Variants in RBMS3 observed in about 807,000 individuals in gnomAD.
RBMS3 encodes RNA binding motif single stranded interacting protein 3.
A neutral mutation model predicts 66.8 loss-of-function variants in RBMS3; 27 were observed. The observed-to-expected ratio is 0.40, with a 90% confidence interval of 0.30 to 0.56. The LOEUF (loss-of-function observed/expected upper bound fraction) is 0.56. Ranked by LOEUF, RBMS3 falls within the 20% of genes least tolerant of loss-of-function variation. The pLI is 0.40. For missense variants in RBMS3, 513 were observed against 549.5 expected (o/e 0.93, Z 0.66); for synonymous variants, 188 against 183.0 (o/e 1.03, Z -0.22).
intron 4 of RBMS3, among the ~76,000 whole-genome samples, chr3:29,639,544 G>T (rs376066539): frequency 4.0e-5 from 6 of 150,680 alleles, no homozygotes; most frequent in African/African-American, 1.5e-4. Flanking sequence ...GTAAAATACT[G>T]TATGGCAAAA....
chr3:29,453,845 C>T lies in RBMS3; in HGVS notation c.248+18930C>T, dbSNP rs139631728. On this transcript the variant is annotated intron_variant, in intron 2 of 14. Transcript: ENST00000383767. ...ACAGCCTGCTGGCATCTCCCTTTGG[C>T]CCTGCTGGCATCTATTTTGCACTGT... 3.4e-4 allele frequency among the ~76,000 whole-genome samples: 52 copies of T among 152,224 alleles called. 2 individuals carry two copies. The East Asian group carries it at 9.1e-3, about 27-fold the overall frequency.
chr3:29,575,997 G>T (rs564863058), intron 3 of RBMS3, among the ~76,000 whole-genome samples: 1 of 151,998 alleles, frequency 6.6e-6, no homozygotes, highest in South Asian at 2.1e-4. Context: ...TCCAGGATTA[G>T]TCCTTCATGC....
chr3:29,958,620 G>A (rs1337076988), intron 12 of RBMS3, among the ~76,000 whole-genome samples: 1 of 151,952 alleles, frequency 6.6e-6, no homozygotes, highest in Non-Finnish European at 1.5e-5. Context: ...TTTATAAGGT[G>A]CCCGTTAGCT....
At chr3:29,380,238 G>A (rs373485870) in intron 1 of RBMS3, among the ~76,000 whole-genome samples, 3 of 136,766 alleles carry the variant, frequency 2.2e-5, no homozygotes, top group South Asian at 2.4e-4. Context: ...ACACACACAC[G>A]TACATCTATA....
chr3:29,331,783 A>G (rs7374763), intron 1 of RBMS3, among the ~76,000 whole-genome samples: 56,337 of 148,230 alleles, frequency 0.38, 11,825 homozygotes, highest in East Asian at 0.54. Flanking sequence ...GTTTTCTGAA[A>G]TAACAAAACT....
At position 29,464,280 on chromosome 3, in the gene RBMS3, A is replaced by G. The variant is rs531487436; in HGVS notation, c.249-24161A>G. On this transcript the variant is annotated intron_variant, in intron 2 of 14. Transcript: ENST00000383767. ...AGGCCCTTCATGGTCTTGAGAAATG[A>G]TAGGTGGTTGGTTTGTAAACCACCT... Among the ~76,000 whole-genome samples the G allele has an allele frequency of 1.2e-3, 180 of 152,288 alleles. 1 individual carries two copies. Among genetic ancestry groups the G allele is most frequent in the Non-Finnish European group, 2.0e-3 (137 of 68,014 alleles).
At chr3:29,992,193 T>C (rs777062079) in intron 14 of RBMS3, among the ~76,000 whole-genome samples, 30 of 152,310 alleles carry the variant, frequency 2.0e-4, no homozygotes, top group Non-Finnish European at 1.3e-4. Flanking sequence ...ATAATTTTTC[T>C]TATTAAAGAA....
intron 12 of RBMS3, among the ~76,000 whole-genome samples, chr3:29,962,682 G>T (rs144365266): frequency 3.0e-4 from 45 of 151,854 alleles, no homozygotes; most frequent in African/African-American, 1.1e-3. Flanking sequence ...CCAGCTAAGA[G>T]GATTACATCT....
chr3:29,596,578 T>C (rs930019037), intron 4 of RBMS3, among the ~76,000 whole-genome samples: 3 of 152,158 alleles, frequency 2.0e-5, no homozygotes, highest in Admixed American at 2.0e-4. Flanking sequence ...GGTGAAAAAA[T>C]AGGAGATGTC....
intron 11 of RBMS3, among the ~76,000 whole-genome samples, chr3:29,940,304 A>T (rs2061360228): frequency 6.6e-6 from 1 of 151,898 alleles, no homozygotes; most frequent in Admixed American, 6.6e-5. Context: ...TCCTAACTGA[A>T]ACATTTCAGA....
At chr3:29,379,277 C>T (rs1362455302) in intron 1 of RBMS3, among the ~76,000 whole-genome samples, 4 of 152,116 alleles carry the variant, frequency 2.6e-5, no homozygotes, top group Non-Finnish European at 5.9e-5. Flanking sequence ...TGATATGTAG[C>T]TGTAATCCAA....
chr3:29,858,624 C>T (rs2059138047), intron 6 of RBMS3, among the ~76,000 whole-genome samples: 1 of 152,150 alleles, frequency 6.6e-6, no homozygotes. Flanking sequence ...AATGTTCCAG[C>T]CTTTTCCCCA....
intron 1 of RBMS3, among the ~76,000 whole-genome samples, chr3:29,363,387 C>T (rs1575619717): frequency 6.6e-6 from 1 of 152,110 alleles, no homozygotes; most frequent in African/African-American, 2.4e-5. Context: ...TACAGAGACT[C>T]TCTAATCCAA....
chr3:29,705,827 A>C (rs1311789808), intron 4 of RBMS3, among the ~76,000 whole-genome samples: 2 of 152,244 alleles, frequency 1.3e-5, no homozygotes, highest in African/African-American at 4.8e-5. Flanking sequence ...CAGATTAAAG[A>C]ACTAAGGTGG....
intron 4 of RBMS3, among the ~76,000 whole-genome samples, chr3:29,659,732 G>C (rs1472628629): frequency 6.6e-6 from 1 of 152,088 alleles, no homozygotes; most frequent in Non-Finnish European, 1.5e-5. Flanking sequence ...GATTTTGGTG[G>C]GGGGGTGGTT....
chr3:29,430,012 C>T (rs887041329), intron 1 of RBMS3, among the ~76,000 whole-genome samples: 15 of 151,956 alleles, frequency 9.9e-5, no homozygotes, highest in African/African-American at 3.6e-4. Flanking sequence ...CAAGAACATA[C>T]AAAATCGCTT....
chr3:29,995,383 GC>G (rs1310242735), intron 14 of RBMS3, among the ~76,000 whole-genome samples: 2 of 152,170 alleles, frequency 1.3e-5, no homozygotes, highest in Admixed American at 6.6e-5. Flanking sequence ...AGCAAGGCAG[GC>G]CAACGTTCAG....
At chr3:29,838,665 T>G (rs1477581647) in intron 6 of RBMS3, among the ~76,000 whole-genome samples, 1 of 152,184 alleles carries the variant, frequency 6.6e-6, no homozygotes, top group Non-Finnish European at 1.5e-5. Flanking sequence ...TGATGGATAT[T>G]TGCTAAGTCT....
intron 10 of RBMS3, among the ~76,000 whole-genome samples, chr3:29,932,006 G>GT (rs1278966208): frequency 2.0e-5 from 3 of 152,018 alleles, no homozygotes; most frequent in Admixed American, 6.6e-5. Context: ...AAGGGATGCT[G>GT]TTTTTTTAAT....
Sources: allele counts gnomAD v4.1 joint callset (sites outside exome capture counted in the v4.1 genomes callset), GRCh38; gene constraint gnomAD v4.1.1; transcripts MANE v1.5; gene names NCBI Gene and HGNC (gene_info 2026-07-23, HGNC 2026-07-21).